The following GSK3B variants were observed in gnomAD, a reference collection of about 807,000 sequenced individuals.
GSK3B encodes the protein glycogen synthase kinase-3 beta.
GSK3B carries 15 observed loss-of-function variants against 56.4 expected under a neutral mutation model. That is an observed-to-expected ratio of 0.27 (90% confidence interval 0.18 to 0.41). The LOEUF (loss-of-function observed/expected upper bound fraction) is 0.41. Among genes scored for constraint, GSK3B ranks in the 10% least tolerant of loss-of-function variants. The probability of loss-of-function intolerance (pLI) is 1.00; values close to 1 mark genes in which losing one functional copy is unlikely to be tolerated. For missense variants in GSK3B, 300 were observed against 513.4 expected (o/e 0.58, Z 4.02); for synonymous variants, 181 against 188.9 (o/e 0.96, Z 0.34).
chr3:119,919,382 T>C, intron 4 of GSK3B, among the ~76,000 whole-genome samples: 1 of 152,146 alleles, frequency 6.6e-6, no homozygotes, highest in East Asian at 1.9e-4. Context: ...GTAGAATGAC[T>C]ACGTGAAGGA....
chr3:119,940,274 T>C (rs891788983), intron 3 of GSK3B, among the ~76,000 whole-genome samples: 1 of 152,008 alleles, frequency 6.6e-6, no homozygotes, highest in South Asian at 2.1e-4. Context: ...ACATAGCCAG[T>C]CCTCATGGCC....
In GSK3B at chr3:120,014,994, A is replaced by C. The variant is rs1336645555; in HGVS notation, c.89-12755T>G. On this transcript the variant is annotated intron_variant, in intron 1 of 10. Coordinates refer to ENST00000264235, the MANE Select transcript of GSK3B (RefSeq NM_001146156.2). The stretch of plus-strand genomic sequence containing the variant: ...AACATCCCCTTCTTTAAAAAGAAAA[A>C]AATCAAATTTTGTCCTTAGAGGCCT... 2.6e-5 allele frequency among the ~76,000 whole-genome samples: 4 copies of C among 152,212 alleles called. No individual in the cohort carries two copies. In the South Asian group the frequency reaches 8.3e-4, roughly 31 times the overall value.
In GSK3B at chr3:120,081,848, T is replaced by A. The variant is rs1182265086; in HGVS notation, c.88+11499A>T. Among the ~76,000 whole-genome samples, 4 of 152,222 alleles carry A rather than the reference T, an allele frequency of 2.6e-5. 1 individual carries two copies. The highest frequency in any genetic ancestry group is 9.6e-5 in the African/African-American group (4 of 41,532). ...AATACAAGGAAGAACATTAGAAGGG[T>A]CACAGAGAGTGCTGAAGGAGTTATA... On this transcript the variant is annotated intron_variant, in intron 1 of 10. Coordinates refer to ENST00000264235, the MANE Select transcript of GSK3B (RefSeq NM_001146156.2).
chr3:120,030,775 T>A (rs1177812835), intron 1 of GSK3B, among the ~76,000 whole-genome samples: 1 of 152,220 alleles, frequency 6.6e-6, no homozygotes, highest in Non-Finnish European at 1.5e-5. Context: ...AGTAACCAGT[T>A]CTTTTCCTTC....
intron 1 of GSK3B, among the ~76,000 whole-genome samples, chr3:120,057,549 T>C (rs1353937545): frequency 6.6e-6 from 1 of 152,202 alleles, no homozygotes; most frequent in African/African-American, 2.4e-5. Flanking sequence ...CCATTGTATA[T>C]ATTAGTTATC....
intron 1 of GSK3B, among the ~76,000 whole-genome samples, chr3:120,003,865 A>C (rs1160348683): frequency 1.3e-5 from 2 of 152,226 alleles, no homozygotes; most frequent in Non-Finnish European, 2.9e-5. Flanking sequence ...TTTCCAACTT[A>C]GGTACCTGGT....
chr3:119,836,559 G>A (rs989642714), intron 10 of GSK3B, among the ~76,000 whole-genome samples: 9 of 151,806 alleles, frequency 5.9e-5, no homozygotes, highest in Admixed American at 5.2e-4. Context: ...AAATTTCCCC[G>A]TCTTAAAAAC....
At chr3:119,854,375 A>T in intron 9 of GSK3B, among the ~76,000 whole-genome samples, 1 of 152,182 alleles carries the variant, frequency 6.6e-6, no homozygotes, top group Non-Finnish European at 1.5e-5. Flanking sequence ...TTGGTCTAAA[A>T]TTCTCTTTTT....
Position 119,824,537 on chromosome 3 carries a change from T to C in GSK3B, c.*2251A>G, listed in dbSNP as rs565824184. On this transcript the variant is annotated 3_prime_UTR_variant, in exon 11 of 11. Coordinates refer to ENST00000264235, the MANE Select transcript of GSK3B (RefSeq NM_001146156.2). ...CTGGGCAGTTGGATCTGAATGCAGG[T>C]CCATTTCTCTATCACAGACCTGCCT... 4.7e-6 allele frequency: 1 copy of C among 214,104 alleles called. No homozygotes were observed. The highest frequency in any genetic ancestry group is 9.4e-6 in the Non-Finnish European group (1 of 105,892). The allele number at this position is 214,104 out of a possible 1,614,324, so 13.3% of individuals were successfully genotyped here. A position where few individuals can be genotyped will look rare whatever the true frequency, so the allele number is the denominator to read the frequency against.
chr3:119,845,653 A>G lies in GSK3B; in HGVS notation c.1097-2300T>C, dbSNP rs138582739. Among the ~76,000 whole-genome samples, 523 of 152,358 alleles carry G rather than the reference A, an allele frequency of 3.4e-3. 4 individuals are homozygous for G. Among genetic ancestry groups the G allele is most frequent in the African/African-American group, 0.012 (512 of 41,588 alleles). On this transcript the variant is annotated intron_variant, in intron 9 of 10. Coordinates refer to ENST00000264235, the MANE Select transcript of GSK3B (RefSeq NM_001146156.2). ...GGACTACAAACCACTGCTCAAGGAA[A>G]TAAGAGAGGACACAAACAAATGGAA...
intron 1 of GSK3B, among the ~76,000 whole-genome samples, chr3:120,088,059 A>G (rs1018075271): frequency 6.6e-6 from 1 of 152,108 alleles, no homozygotes; most frequent in African/African-American, 2.4e-5. Flanking sequence ...CGCCCCCGCT[A>G]ATTTTTGTAT....
chr3:119,888,919 G>A (rs915281329), intron 7 of GSK3B, among the ~76,000 whole-genome samples: 2 of 151,928 alleles, frequency 1.3e-5, no homozygotes, highest in African/African-American at 4.8e-5. Context: ...TAGCAGGGTG[G>A]GGAAAAATCC....
At position 119,824,339 on chromosome 3, in the gene GSK3B, ACAC is replaced by A; in HGVS notation, c.*2446_*2448del. The A allele has an allele frequency of 4.5e-6, 1 of 224,106 alleles. No homozygotes were observed. The highest frequency in any genetic ancestry group is 8.9e-6 in the Non-Finnish European group (1 of 112,342). 13.9% of individuals were successfully genotyped at this position (224,106 alleles called of 1,614,324 possible). On this transcript the variant is annotated 3_prime_UTR_variant, in exon 11 of 11. Transcript: ENST00000264235. Reference sequence around the variant, plus strand: ...AAATCACACATCTCAGCACACACACACACACACACACACGCACACATGCACACA... The same window carrying A: ...AAATCACACATCTCAGCACACACACAACACACACACGCACACATGCACACA...
chr3:119,888,965 C>A (rs2056471241), intron 7 of GSK3B, among the ~76,000 whole-genome samples: 1 of 152,090 alleles, frequency 6.6e-6, no homozygotes, highest in African/African-American at 2.4e-5. Context: ...CAGTTCTCTG[C>A]TCTCAAACCC....
rs72546695 is a variant in GSK3B at position 119,923,395 on chromosome 3, G to A, written c.455C>T (p.Thr152Met). Residue 152 changes from threonine to methionine, a missense_variant, in exon 4 of 11, where the codon ACG (threonine) becomes ATG (methionine). By Grantham distance (81) the Thr-to-Met change is moderately conservative (BLOSUM62 -1). Coordinates refer to ENST00000264235, the MANE Select transcript of GSK3B (RefSeq NM_001146156.2). ...TACCTTGACATAAATCACAGGGAGCGTCTGTTTGGCTCGACTATAGTGTCT... is the reference window on the plus strand; with the variant it reads ...TACCTTGACATAAATCACAGGGAGCATCTGTTTGGCTCGACTATAGTGTCT... ...VARHYSRAKQ[T>M]LPVIYVKLYM... 39 of 1,578,864 alleles carry A rather than the reference G, an allele frequency of 2.5e-5. No homozygotes were observed. The highest frequency in any genetic ancestry group is 6.7e-5 in the East Asian group (3 of 44,568).
chr3:119,992,554 T>C (rs1354452894), intron 2 of GSK3B, among the ~76,000 whole-genome samples: 2 of 152,046 alleles, frequency 1.3e-5, no homozygotes, highest in East Asian at 1.9e-4. Context: ...TGAGGATAGC[T>C]GGAAAGCTTT....
At chr3:120,073,684 A>T (rs2058345935) in intron 1 of GSK3B, among the ~76,000 whole-genome samples, 1 of 152,166 alleles carries the variant, frequency 6.6e-6, no homozygotes, top group African/African-American at 2.4e-5. Context: ...TCCCTCTCCA[A>T]ATTATAAAGG....
intron 1 of GSK3B, among the ~76,000 whole-genome samples, chr3:120,033,787 C>T (rs191289320): frequency 2.1e-4 from 32 of 152,122 alleles, no homozygotes; most frequent in Admixed American, 1.2e-3. Context: ...CTTGCTCGCT[C>T]GCTCTCTCTC....
chr3:119,996,772 T>C (rs1279895403), intron 2 of GSK3B, among the ~76,000 whole-genome samples: 1 of 152,046 alleles, frequency 6.6e-6, no homozygotes, highest in African/African-American at 2.4e-5. Flanking sequence ...TGATGAAAGA[T>C]ACAATGATTA....
Sources: allele counts gnomAD v4.1 joint callset (sites outside exome capture counted in the v4.1 genomes callset), GRCh38; gene constraint gnomAD v4.1.1; transcripts MANE v1.5; gene names NCBI Gene and HGNC (gene_info 2026-07-23, HGNC 2026-07-21).